Variants in NEDD4L observed in about 807,000 individuals in gnomAD.
NEDD4L encodes NEDD4 like E3 ubiquitin protein ligase, also known as E3 ubiquitin-protein ligase NEDD4-like.
In NEDD4L, 54 loss-of-function variants were observed where a neutral mutation model predicts 148.9. That is an observed-to-expected ratio of 0.36 (90% CI 0.29 to 0.45). The LOEUF is 0.45. Ranked by LOEUF, NEDD4L falls within the 20% of genes least tolerant of loss-of-function variation. The pLI is 1.00. For synonymous variants in NEDD4L, 433 were observed against 440.7 expected (o/e 0.98, Z 0.22); for missense variants, 856 against 1,233.8 (o/e 0.69, Z 4.59).
intron 1 of NEDD4L, among the ~76,000 whole-genome samples, chr18:58,053,563 C>A (rs956747993): frequency 9.2e-5 from 14 of 152,308 alleles, no homozygotes; most frequent in African/African-American, 3.4e-4. Flanking sequence ...CCTGCCTCGG[C>A]CTCCCAAAGT....
intron 16 of NEDD4L, 114 bp downstream of exon 16, chr18:58,343,217 G>A (rs771486539): frequency 1.1e-5 from 9 of 811,604 alleles, no homozygotes; most frequent in Non-Finnish European, 1.4e-5. Flanking sequence ...TGTAAAGGGT[G>A]TCTCCAGAGG....
At chr18:58,281,801 G>A (rs377296387) in intron 5 of NEDD4L, among the ~76,000 whole-genome samples, 41 of 152,132 alleles carry the variant, frequency 2.7e-4, no homozygotes, top group Non-Finnish European at 4.6e-4. Flanking sequence ...CGAGACGGGC[G>A]GATCACGAGG....
chr18:58,255,955 C>T (rs1437063799), intron 5 of NEDD4L: 3 of 1,231,040 alleles, frequency 2.4e-6, no homozygotes, highest in Non-Finnish European at 3.0e-6. Context: ...GGGCCACGGA[C>T]GGGTGCGGGC....
chr18:58,170,179 CCT>C (rs1366163074), intron 2 of NEDD4L, among the ~76,000 whole-genome samples: 1 of 152,172 alleles, frequency 6.6e-6, no homozygotes, highest in African/African-American at 2.4e-5. Context: ...CTGCCTTTTG[CCT>C]TTGCCTGTGT....
At chr18:58,152,046 C>T (rs1240682335) in intron 1 of NEDD4L, among the ~76,000 whole-genome samples, 1 of 151,850 alleles carries the variant, frequency 6.6e-6, no homozygotes, top group Non-Finnish European at 1.5e-5. Flanking sequence ...AGTGGTTGTA[C>T]CTCCTATGAA....
chr18:58,270,247 C>T (rs901637396), intron 5 of NEDD4L, among the ~76,000 whole-genome samples: 1 of 152,184 alleles, frequency 6.6e-6, no homozygotes, highest in African/African-American at 2.4e-5. Context: ...GGTGGTTTCT[C>T]TCACGGTATT....
rs2050628305 is a variant in NEDD4L at position 58,398,306 on chromosome 18, G to A, written c.*2037G>A. The stretch of plus-strand genomic sequence containing the variant: ...TGTAAGCCCCCATAGTCTAGAGGCA[G>A]TTTTCTTTTTAAGAATCATGCCAGA... On this transcript the variant is annotated 3_prime_UTR_variant, in exon 31 of 31. Transcript: ENST00000400345. 2 of 150,580 alleles carry A rather than the reference G, an allele frequency of 1.3e-5. No individual in the cohort carries two copies. Among genetic ancestry groups the A allele is most frequent in the Non-Finnish European group, 2.9e-5 (2 of 67,962 alleles). The allele number at this position is 150,580 out of a possible 1,614,324, so 9.3% of individuals were successfully genotyped here.
intron 5 of NEDD4L, chr18:58,255,353 C>T (rs377663271): frequency 8.6e-6 from 3 of 347,322 alleles, no homozygotes; most frequent in Non-Finnish European, 1.4e-5. Flanking sequence ...GAAAACTCCT[C>T]TAAGTCCAGA....
chr18:58,275,708 A>G (rs2040270949), intron 5 of NEDD4L, among the ~76,000 whole-genome samples: 1 of 152,134 alleles, frequency 6.6e-6, no homozygotes, highest in Non-Finnish European at 1.5e-5. Context: ...ATGGCTGAGC[A>G]TGGCACCCTT....
chr18:58,234,144 TCTC>T, intron 2 of NEDD4L, among the ~76,000 whole-genome samples: 1 of 150,774 alleles, frequency 6.6e-6, no homozygotes, highest in Non-Finnish European at 1.5e-5. Flanking sequence ...TTTCTTTCTC[TCTC>T]TCTTTCTTTC....
At chr18:58,115,245 C>CTTTTTTTTTTTTTTTTT (rs60541981) in intron 1 of NEDD4L, among the ~76,000 whole-genome samples, 21 of 129,536 alleles carry the variant, frequency 1.6e-4, no homozygotes, top group East Asian at 2.1e-4. Flanking sequence ...TTCTTTCTTT[C>CTTTTTTTTTTTTTTTTT]TTTTTTTTTT....
At chr18:58,218,932 T>C (rs761891075) in intron 2 of NEDD4L, among the ~76,000 whole-genome samples, 3 of 152,162 alleles carry the variant, frequency 2.0e-5, no homozygotes, top group Non-Finnish European at 4.4e-5. Flanking sequence ...TAACATTGTG[T>C]TGGAGCTGGT....
intron 1 of NEDD4L, among the ~76,000 whole-genome samples, chr18:58,070,079 C>T (rs1460884057): frequency 1.3e-5 from 2 of 152,066 alleles, no homozygotes; most frequent in African/African-American, 2.4e-5. Flanking sequence ...CTTGAAAGGG[C>T]CTTTCTGAGG....
At chr18:58,158,138 A>G (rs1350520668) in intron 1 of NEDD4L, among the ~76,000 whole-genome samples, 1 of 152,220 alleles carries the variant, frequency 6.6e-6, no homozygotes, top group Non-Finnish European at 1.5e-5. Context: ...AGAAGGACCC[A>G]TTTCTAAAAT....
chr18:58,332,770 T>G (rs1006635377), intron 11 of NEDD4L, among the ~76,000 whole-genome samples: 2 of 152,224 alleles, frequency 1.3e-5, no homozygotes, highest in Non-Finnish European at 2.9e-5. Context: ...TACTAGAAAC[T>G]GATACTATGG....
chr18:58,169,902 TGTGA>T (rs2037357155), intron 2 of NEDD4L, among the ~76,000 whole-genome samples: 1 of 152,278 alleles, frequency 6.6e-6, no homozygotes, highest in Admixed American at 6.5e-5. Flanking sequence ...TGCATAGTTC[TGTGA>T]GTGAGGTTGA....
intron 30 of NEDD4L, among the ~76,000 whole-genome samples, chr18:58,392,954 G>C (rs2050026363): frequency 6.6e-6 from 1 of 152,192 alleles, no homozygotes. Flanking sequence ...CCCTTGGGCT[G>C]TCAGAAGGCT....
intron 5 of NEDD4L, among the ~76,000 whole-genome samples, chr18:58,312,259 G>A (rs1381526893): frequency 6.6e-6 from 1 of 152,138 alleles, no homozygotes; most frequent in East Asian, 1.9e-4. Context: ...TGGATGGCAG[G>A]TAATGGCATG....
At chr18:58,385,432 C>G (rs2048883791) in intron 25 of NEDD4L, 94 bp from the exon 26 acceptor site, 6 of 976,996 alleles carry the variant, frequency 6.1e-6, no homozygotes, top group Middle Eastern at 4.2e-4. Flanking sequence ...GCTCTGCTGT[C>G]GTGGATGGAG....
Sources: gnomAD v4.1 joint callset for allele counts (sites outside exome capture counted in the v4.1 genomes callset) on GRCh38, gnomAD v4.1.1 for gene constraint, MANE v1.5 for transcripts, NCBI Gene and HGNC (gene_info 2026-07-23, HGNC 2026-07-21) for gene names.